The following AGPAT4 variants were observed in gnomAD, a reference collection of about 807,000 sequenced individuals.
AGPAT4 encodes 1-acylglycerol-3-phosphate O-acyltransferase 4.
A neutral mutation model predicts 48.0 loss-of-function variants in AGPAT4; 15 were observed. The ratio of observed to expected loss-of-function variants is 0.31; its 90% CI spans 0.21 to 0.48. The LOEUF (loss-of-function observed/expected upper bound fraction) is 0.48. Ranked by LOEUF, AGPAT4 falls within the 20% of genes least tolerant of loss-of-function variation. The pLI, the probability that AGPAT4 is intolerant of heterozygous loss-of-function variation, is 0.99. For missense variants in AGPAT4, 314 were observed against 482.5 expected, an observed-to-expected ratio of 0.65 and a Z score of 3.27; for synonymous variants, 178 against 198.7, an observed-to-expected ratio of 0.90 and a Z score of 0.88.
At chr6:161,205,947 A>G (rs1337370692) in intron 2 of AGPAT4, among the ~76,000 whole-genome samples, 1 of 152,112 alleles carries the variant, frequency 6.6e-6, no homozygotes, top group Non-Finnish European at 1.5e-5. Flanking sequence ...ATATAAAATA[A>G]ACGTAAGAGA....
intron 2 of AGPAT4, among the ~76,000 whole-genome samples, chr6:161,168,126 GTGGGGT>G (rs1780160527): frequency 6.6e-6 from 1 of 151,062 alleles, no homozygotes; most frequent in African/African-American, 2.5e-5. Context: ...GAAGGCGGTG[GTGGGGT>G]GGGGGGCTAG....
In AGPAT4 at chr6:161,259,761, T is replaced by C. The variant is rs1490885685; in HGVS notation, c.-90+14177A>G. 6.6e-6 allele frequency among the ~76,000 whole-genome samples: 1 copy of C among 152,074 alleles called. No homozygotes were observed. Among genetic ancestry groups the C allele is most frequent in the Non-Finnish European group, 1.5e-5 (1 of 68,020 alleles). ...CTTACCAACAGGGCAACTCCTCAAATGTGACCAAGGAAGAGAGTTAAGAAC... is the reference window on the plus strand; with the variant it reads ...CTTACCAACAGGGCAACTCCTCAAACGTGACCAAGGAAGAGAGTTAAGAAC... On this transcript the variant is annotated intron_variant, in intron 1 of 8. Transcript: ENST00000320285. The surrounding 1 kb of genome is among the most constrained non-coding windows in gnomAD (Gnocchi z 4.9).
In AGPAT4 at chr6:161,165,555, C is replaced by T. The variant is rs1381063056; in HGVS notation, c.348+693G>A. 2 of 1,281,264 alleles carry T rather than the reference C, an allele frequency of 1.6e-6. No homozygotes were observed. The highest frequency in any genetic ancestry group is 2.0e-6 in the Non-Finnish European group (2 of 980,326). 79.4% of individuals were successfully genotyped at this position (1,281,264 alleles called of 1,614,324 possible). On this transcript the variant is annotated intron_variant, in intron 3 of 8. Transcript: ENST00000320285. The surrounding 1 kb of genome is among the most constrained non-coding windows in gnomAD (Gnocchi z 5.5). ...GCCCCAGACCAATGTACACTGTGTACACTGTGATTCCTACGGAATACCTGA... is the reference window on the plus strand; with the variant it reads ...GCCCCAGACCAATGTACACTGTGTATACTGTGATTCCTACGGAATACCTGA...
intron 5 of AGPAT4, among the ~76,000 whole-genome samples, chr6:161,151,038 T>G (rs1293578241): frequency 6.6e-6 from 1 of 152,176 alleles, no homozygotes; most frequent in Admixed American, 6.5e-5. Flanking sequence ...CTTGTCCAAC[T>G]GTCTCATTTT....
chr6:161,232,673 G>A lies in AGPAT4; in HGVS notation c.-89-371C>T, dbSNP rs895836651. 5.3e-5 allele frequency among the ~76,000 whole-genome samples: 8 copies of A among 152,156 alleles called. No individual in the cohort carries two copies. Among genetic ancestry groups the A allele is most frequent in the South Asian group, 2.1e-4 (1 of 4,830 alleles). ...GTGACGGCTGCCCACAGGACAGGCC[G>A]CAAATCCGGCCTCCCCTCCTGCTGC... On this transcript the variant is annotated intron_variant, in intron 1 of 8. Coordinates refer to ENST00000320285, the MANE Select transcript of AGPAT4 (RefSeq NM_020133.3). This position sits in a 1 kb window ranked among gnomAD's most constrained non-coding sequence, Gnocchi z 6.8.
In AGPAT4 at chr6:161,146,915, A is replaced by G. The variant is rs900929957; in HGVS notation, c.768-316T>C. Among the ~76,000 whole-genome samples the G allele has an allele frequency of 6.6e-6, 1 of 152,110 alleles. No individual in the cohort carries two copies. The highest frequency in any genetic ancestry group is 1.5e-5 in the Non-Finnish European group (1 of 68,026). On this transcript the variant is annotated intron_variant, in intron 6 of 8. Transcript: ENST00000320285. This position sits in a 1 kb window ranked among gnomAD's most constrained non-coding sequence, Gnocchi z 7.1. ...CACAAAAAGGCCCCCAAAACCTGAT[A>G]TTTGCCTCTTCCAAAGAGGACAACA...
intron 2 of AGPAT4, among the ~76,000 whole-genome samples, chr6:161,192,339 C>T (rs1780950854): frequency 6.6e-6 from 1 of 151,938 alleles, no homozygotes; most frequent in Non-Finnish European, 1.5e-5. Context: ...TTAGTAGAAA[C>T]GGGGTTCCCC....
chr6:161,136,585 G>A lies in AGPAT4; in HGVS notation c.1092C>T (p.Gly364=), dbSNP rs768470781. The change falls in exon 9 of 9, where the codon GGC becomes GGT. Residue 364 remains glycine (G), a synonymous_variant. Coordinates refer to ENST00000320285, the MANE Select transcript of AGPAT4 (RefSeq NM_020133.3). ...TGCTGTCAGAGTTGCCGTAGGCAGA[G>A]CCCTTGTCAATTTCCGTCACACCAA... The part of the protein sequence containing the change: ...WMIGVTEIDK[G]SAYGNSDSKQ... The A allele has an allele frequency of 5.0e-6, 8 of 1,614,086 alleles. No homozygotes were observed. In the Admixed American group the frequency reaches 1.2e-4, roughly 24 times the overall value.
chr6:161,175,378 AAGGTGTATGTGTCC>A (rs1357254666), intron 2 of AGPAT4, among the ~76,000 whole-genome samples: 1 of 151,468 alleles, frequency 6.6e-6, no homozygotes, highest in Non-Finnish European at 1.5e-5. Context: ...TAGTCTTGGG[AAGGTGTATGTGTCC>A]AGGAATTCAT....
At position 161,231,656 on chromosome 6, in the gene AGPAT4, A is replaced by G. The variant is rs559229835; in HGVS notation, c.178+380T>C. ...TAAAAAAAAATACGTATGTATATGT[A>G]TCTATATAGATATATACACAGAAAG... On this transcript the variant is annotated intron_variant, in intron 2 of 8. Coordinates refer to ENST00000320285, the MANE Select transcript of AGPAT4 (RefSeq NM_020133.3). The surrounding 1 kb of genome is among the most constrained non-coding windows in gnomAD (Gnocchi z 5.3). Among the ~76,000 whole-genome samples, 1 of 152,346 alleles carries G rather than the reference A, an allele frequency of 6.6e-6. No homozygotes were observed. The highest frequency in any genetic ancestry group is 2.4e-5 in the African/African-American group (1 of 41,580).
rs942544930 is a variant in AGPAT4, at chr6:161,219,719, C to A, written c.178+12317G>T. Among the ~76,000 whole-genome samples, 13 of 152,250 alleles carry A rather than the reference C, an allele frequency of 8.5e-5. No individual in the cohort carries two copies. Among genetic ancestry groups the A allele is most frequent in the African/African-American group, 3.1e-4 (13 of 41,540 alleles). ...ATGTGTATTCCTAAACTTGCTGATT[C>A]TTTAGGGCCACCTGTTTGAAATTTA... On this transcript the variant is annotated intron_variant, in intron 2 of 8. Transcript: ENST00000320285. The surrounding 1 kb of genome is among the most constrained non-coding windows in gnomAD (Gnocchi z 4.9).
intron 2 of AGPAT4, among the ~76,000 whole-genome samples, chr6:161,185,385 C>A (rs552137612): frequency 2.0e-5 from 3 of 150,124 alleles, no homozygotes; most frequent in African/African-American, 7.4e-5. Context: ...TGACCCCCTG[C>A]GTTCAGGTGA....
rs116177084 is a variant in AGPAT4, at chr6:161,255,899, T to G, written c.-90+18039A>C. ...AATTATATCTCAATAAAGCTGTATG[T>G]AAAAACAAAGAAAAAAACACTGGCC... On this transcript the variant is annotated intron_variant, in intron 1 of 8. Transcript: ENST00000320285. The surrounding 1 kb of genome is among the most constrained non-coding windows in gnomAD (Gnocchi z 4.7). Among the ~76,000 whole-genome samples, 834 of 152,100 alleles carry G rather than the reference T, an allele frequency of 5.5e-3. 6 individuals are homozygous for G. Among genetic ancestry groups the G allele is most frequent in the African/African-American group, 0.019 (788 of 41,482 alleles).
At position 161,266,862 on chromosome 6, in the gene AGPAT4, G is replaced by A. The variant is rs1582922878; in HGVS notation, c.-90+7076C>T. Among the ~76,000 whole-genome samples the A allele has an allele frequency of 2.0e-5, 3 of 152,204 alleles. No homozygotes were observed. Among genetic ancestry groups the A allele is most frequent in the Non-Finnish European group, 4.4e-5 (3 of 68,048 alleles). On this transcript the variant is annotated intron_variant, in intron 1 of 8. Coordinates refer to ENST00000320285, the MANE Select transcript of AGPAT4 (RefSeq NM_020133.3). The surrounding 1 kb of genome is among the most constrained non-coding windows in gnomAD (Gnocchi z 6.2). ...TACCCACAGAAGACTGACAGCTCAC[G>A]AGGAGCCCATGGAGATGGGCAAGAG...
chr6:161,236,791 A>G lies in AGPAT4; in HGVS notation c.-89-4489T>C, dbSNP rs1183473673. On this transcript the variant is annotated intron_variant, in intron 1 of 8. Transcript: ENST00000320285. The surrounding 1 kb of genome is among the most constrained non-coding windows in gnomAD (Gnocchi z 5.0). The stretch of plus-strand genomic sequence containing the variant: ...GTGGTGGGTGTCTGTAATCCCAGCT[A>G]CTCGGGAGGCTGAGGCAGGCGAATC... Among the ~76,000 whole-genome samples, 3 of 151,920 alleles carry G rather than the reference A, an allele frequency of 2.0e-5. No individual in the cohort carries two copies. Among genetic ancestry groups the G allele is most frequent in the Non-Finnish European group, 4.4e-5 (3 of 67,982 alleles).
chr6:161,185,345 C>T (rs1292579980), intron 2 of AGPAT4, among the ~76,000 whole-genome samples: 1 of 138,114 alleles, frequency 7.2e-6, no homozygotes, highest in Non-Finnish European at 1.5e-5. Context: ...GGCTGGAGTG[C>T]AGTAGTGCAA....
rs749684126 is a variant in AGPAT4, at chr6:161,154,334, G to A, written c.349-24C>T. ...CCCTGAAACAGAAGAAGGAGCCCAG[G>A]TGCCCATGAAGGAGACGTCAGAGCC... On this transcript the variant is annotated intron_variant, in intron 3 of 8. Transcript: ENST00000320285. The surrounding 1 kb of genome is among the most constrained non-coding windows in gnomAD (Gnocchi z 7.8). The A allele has an allele frequency of 1.9e-6, 3 of 1,613,650 alleles. No individual in the cohort carries two copies. The highest frequency in any genetic ancestry group is 2.5e-6 in the Non-Finnish European group (3 of 1,179,830).
At chr6:161,256,993 C>T (rs905882174) in intron 1 of AGPAT4, among the ~76,000 whole-genome samples, 1 of 152,200 alleles carries the variant, frequency 6.6e-6, no homozygotes, top group Non-Finnish European at 1.5e-5. Context: ...GCCACCTTAG[C>T]CAGTGGGCGT....
In AGPAT4 at chr6:161,221,144, A is replaced by G. The variant is rs1227055264; in HGVS notation, c.178+10892T>C. Among the ~76,000 whole-genome samples the G allele has an allele frequency of 6.6e-6, 1 of 152,166 alleles. No homozygotes were observed. Among genetic ancestry groups the G allele is most frequent in the Non-Finnish European group, 1.5e-5 (1 of 68,032 alleles). ...GATGAACATGGTGAGCAAGGAACAC[A>G]TGGTGAAGGAAACGTGTGAGGCTTT... On this transcript the variant is annotated intron_variant, in intron 2 of 8. Coordinates refer to ENST00000320285, the MANE Select transcript of AGPAT4 (RefSeq NM_020133.3). The surrounding 1 kb of genome is among the most constrained non-coding windows in gnomAD (Gnocchi z 4.5).
Sources: gnomAD v4.1 joint callset for allele counts (sites outside exome capture counted in the v4.1 genomes callset) on GRCh38, gnomAD v4.1.1 for gene constraint, Gnocchi (gnomAD v3.1) non-coding constraint, MANE v1.5 for transcripts, NCBI Gene and HGNC (gene_info 2026-07-23, HGNC 2026-07-21) for gene names.